The following POLR1B variants were observed in gnomAD, a reference collection of about 807,000 sequenced individuals.
POLR1B encodes RNA polymerase I subunit B.
Under a neutral mutation model 105.8 loss-of-function variants are expected in POLR1B, and 30 were observed. The ratio of observed to expected loss-of-function variants is 0.28; its 90% confidence interval spans 0.21 to 0.38. The LOEUF is 0.38. POLR1B is among the 10% of genes least tolerant of loss of function. The probability of loss-of-function intolerance (pLI) is 1.00; values close to 1 mark genes in which losing one functional copy is unlikely to be tolerated. For missense variants in POLR1B, 976 were observed against 1,435.8 expected (o/e 0.68, Z 5.17); for synonymous variants, 485 against 505.1 (o/e 0.96, Z 0.53).
chr2:112,559,597 C>T, intron 9 of POLR1B, 23 bp downstream of exon 9: 11 of 1,596,344 alleles, frequency 6.9e-6, no homozygotes, highest in Non-Finnish European at 8.6e-6. Flanking sequence ...CAGTGATAAA[C>T]ATCTTGTTTG....
intron 12 of POLR1B, 108 bp from the exon 13 acceptor site, chr2:112,572,454 T>G: frequency 1.3e-6 from 1 of 767,826 alleles, no homozygotes; most frequent in Non-Finnish European, 2.0e-6. Flanking sequence ...GACTATTTAT[T>G]TGTTCATTTT....
intron 9 of POLR1B, among the ~76,000 whole-genome samples, chr2:112,560,129 A>T (rs1000321390): frequency 3.9e-5 from 6 of 152,066 alleles, no homozygotes; most frequent in African/African-American, 1.2e-4. Context: ...TTTGGGAAAA[A>T]AAAAAAGATA....
At position 112,575,875 on chromosome 2, in the gene POLR1B, A is replaced by G; in HGVS notation, c.*146A>G. ...ACCAAGACCTGAAAACCAAGTATGC[A>G]AGGTTTCTGAATCTCTCTGGTAGAT... On this transcript the variant is annotated 3_prime_UTR_variant, in exon 15 of 15. Transcript: ENST00000263331. This position sits in a 1 kb window ranked among gnomAD's most constrained non-coding sequence, Gnocchi z 5.3. 1.3e-6 allele frequency: 1 copy of G among 764,468 alleles called. No individual in the cohort carries two copies. Among genetic ancestry groups the G allele is most frequent in the Non-Finnish European group, 2.1e-6 (1 of 484,200 alleles). 47.4% of individuals were successfully genotyped at this position (764,468 alleles called of 1,614,324 possible).
At position 112,552,710 on chromosome 2, in the gene POLR1B, G is replaced by A. The variant is rs868750132; in HGVS notation, c.1052G>A (p.Arg351Gln). Reference sequence around the variant, plus strand: ...TTTTATATGCTTTGTCTCATGACGCGAAAGCTCTTTGCTTTAGCCAAAGGA... The same window carrying A: ...TTTTATATGCTTTGTCTCATGACGCAAAAGCTCTTTGCTTTAGCCAAAGGA... ...EKFYMLCLMT[R>Q]KLFALAKGEC... The change falls in exon 7 of 15, where the codon CGA becomes CAA. Residue 351 changes from arginine to glutamine, a missense_variant. Around this residue, in one of 12 missense-constraint regions of POLR1B, gnomAD observed 452 missense variants for 616.5 expected, o/e 0.73. Transcript: ENST00000263331. 9 of 1,612,124 alleles carry A rather than the reference G, an allele frequency of 5.6e-6. No individual in the cohort carries two copies. Among genetic ancestry groups the A allele is most frequent in the Middle Eastern group, 1.6e-4 (1 of 6,080 alleles).
intron 1 of POLR1B, chr2:112,545,837 G>A (rs914890612): frequency 2.7e-6 from 1 of 366,954 alleles, no homozygotes; most frequent in Admixed American, 3.4e-5. Flanking sequence ...GTAGAGACGG[G>A]GTCTCCCTAT....
At chr2:112,552,197 T>C (rs1683409541) in intron 6 of POLR1B, among the ~76,000 whole-genome samples, 199 bp downstream of exon 6, 1 of 152,198 alleles carries the variant, frequency 6.6e-6, no homozygotes. Context: ...CGTGTTTTAT[T>C]TTATAGTACT....
Position 112,579,233 on chromosome 2 carries a change from A to G in POLR1B, c.*3504A>G, listed in dbSNP as rs1684993692. 6.7e-6 allele frequency among the ~76,000 whole-genome samples: 1 copy of G among 149,904 alleles called. No homozygotes were observed. The highest frequency in any genetic ancestry group is 2.4e-5 in the African/African-American group (1 of 40,940). On this transcript the variant is annotated 3_prime_UTR_variant, in exon 15 of 15. Coordinates refer to ENST00000263331, the MANE Select transcript of POLR1B (RefSeq NM_019014.6). Reference sequence around the variant, plus strand: ...CAAAAAAAAAAAAAAAAAAAAAAAAAAAAAAAAGGAAAGCAAAATTGTAGA... The same window carrying G: ...CAAAAAAAAAAAAAAAAAAAAAAAAGAAAAAAAGGAAAGCAAAATTGTAGA...
At chr2:112,550,694 A>C (rs74635350) in intron 4 of POLR1B, 172 bp from the exon 5 acceptor site, 1 of 626,402 alleles carries the variant, frequency 1.6e-6, no homozygotes, top group Non-Finnish European at 2.8e-6. Context: ...TAGATTTTGC[A>C]TGCAAGAGGA....
In POLR1B at chr2:112,576,415, C is replaced by T. The variant is rs185821390; in HGVS notation, c.*686C>T. Reference sequence around the variant, plus strand: ...CCCTCTTAACAAATCTTTAAGTGCACGATATAGTATTGTTAATTCCAGGCA... The same window carrying T: ...CCCTCTTAACAAATCTTTAAGTGCATGATATAGTATTGTTAATTCCAGGCA... On this transcript the variant is annotated 3_prime_UTR_variant, in exon 15 of 15. Coordinates refer to ENST00000263331, the MANE Select transcript of POLR1B (RefSeq NM_019014.6). 23 of 152,312 alleles carry T rather than the reference C, an allele frequency of 1.5e-4. No homozygotes were observed. Among genetic ancestry groups the T allele is most frequent in the African/African-American group, 4.3e-4 (18 of 41,546 alleles). The allele number at this position is 152,312 out of a possible 1,614,324, so 9.4% of individuals were successfully genotyped here.
upstream of POLR1B, chr2:112,542,162 A>T (rs1574081737): frequency 2.6e-6 from 4 of 1,535,682 alleles, no homozygotes; most frequent in African/African-American, 4.1e-5. Context: ...ATGAGAGCCA[A>T]AGAGGTCACA....
At chr2:112,570,279 C>G (rs561264525) in intron 12 of POLR1B, among the ~76,000 whole-genome samples, 6 of 152,070 alleles carry the variant, frequency 3.9e-5, no homozygotes, top group Non-Finnish European at 8.8e-5. Flanking sequence ...AACTCCTGAC[C>G]TGAAGTGATC....
chr2:112,559,625 G>T, intron 9 of POLR1B, 51 bp downstream of exon 9: 1 of 1,573,820 alleles, frequency 6.4e-7, no homozygotes, highest in South Asian at 1.2e-5. Flanking sequence ...GGGTTTTTTT[G>T]TGTTCTTTTT....
chr2:112,542,275 G>A (rs908203406), upstream of POLR1B: 4 of 1,533,336 alleles, frequency 2.6e-6, no homozygotes, highest in Admixed American at 2.0e-5. Context: ...GCCACGCTCT[G>A]GCTGGACACG....
chr2:112,552,141 C>T, intron 6 of POLR1B, 143 bp downstream of exon 6: 1 of 587,880 alleles, frequency 1.7e-6, no homozygotes, highest in Non-Finnish European at 2.9e-6. Flanking sequence ...TAGCCGGGGG[C>T]TACCTTTGTT....
intron 10 of POLR1B, among the ~76,000 whole-genome samples, chr2:112,565,817 C>T (rs1684246449): frequency 6.6e-6 from 1 of 152,122 alleles, no homozygotes; most frequent in South Asian, 2.1e-4. Flanking sequence ...TAACCTCCAG[C>T]CCCTATCCCC....
chr2:112,570,226 T>C (rs973715097), intron 12 of POLR1B, among the ~76,000 whole-genome samples: 2 of 151,980 alleles, frequency 1.3e-5, no homozygotes, highest in Non-Finnish European at 1.5e-5. Context: ...TTTTTGTGTT[T>C]TAGTAGAGAT....
At chr2:112,544,683 A>G (rs1031820358) in intron 1 of POLR1B, among the ~76,000 whole-genome samples, 1 of 152,182 alleles carries the variant, frequency 6.6e-6, no homozygotes. Flanking sequence ...TAGGACTATA[A>G]TAATATAGTA....
chr2:112,551,297 C>G (rs1041844904), intron 5 of POLR1B, among the ~76,000 whole-genome samples: 2 of 152,200 alleles, frequency 1.3e-5, no homozygotes, highest in Non-Finnish European at 2.9e-5. Context: ...CAAGGTGGCT[C>G]ACTCACATGG....
intron 10 of POLR1B, among the ~76,000 whole-genome samples, chr2:112,566,124 G>C (rs1417321360): frequency 6.6e-6 from 1 of 152,102 alleles, no homozygotes; most frequent in Non-Finnish European, 1.5e-5. Context: ...GAAGTGCTGG[G>C]AATCACAGCT....
Sources: gnomAD v4.1 joint callset for allele counts (sites outside exome capture counted in the v4.1 genomes callset) on GRCh38, gnomAD v4.1.1 for gene constraint, gnomAD v4.1.1 regional missense constraint, Gnocchi (gnomAD v3.1) non-coding constraint, MANE v1.5 for transcripts, NCBI Gene and HGNC (gene_info 2026-07-23, HGNC 2026-07-21) for gene names.